Variants in ZAR1L observed in about 807,000 individuals in gnomAD.
ZAR1L encodes the protein protein ZAR1-like.
In ZAR1L, 16 loss-of-function variants were observed where a neutral mutation model predicts 30.0. That is an observed-to-expected ratio of 0.53 (90% CI 0.36 to 0.81). The LOEUF (loss-of-function observed/expected upper bound fraction) is 0.81, where lower values mean the gene tolerates loss of function less well. Ranked by LOEUF, ZAR1L falls within the 30% of genes least tolerant of loss-of-function variation. The pLI is 0.00. For synonymous variants in ZAR1L, 197 were observed against 166.8 expected, an observed-to-expected ratio of 1.18 and a Z score of -1.40; for missense variants, 392 against 417.2, an observed-to-expected ratio of 0.94 and a Z score of 0.53.
chr13:32,306,441 T>C (rs548835026), intron 5 of ZAR1L, among the ~76,000 whole-genome samples: 2 of 152,190 alleles, frequency 1.3e-5, no homozygotes, highest in Non-Finnish European at 2.9e-5. Context: ...AGGCACATCA[T>C]TGTAAAACTG....
At chr13:32,314,002 T>C (rs2072232109) in intron 2 of ZAR1L, among the ~76,000 whole-genome samples, 1 of 152,196 alleles carries the variant, frequency 6.6e-6, no homozygotes, top group South Asian at 2.1e-4. Flanking sequence ...TGAAGTCAAA[T>C]GGACTAGAAT....
rs1056761182 is a variant in ZAR1L, at chr13:32,308,683, C to A, written c.822+3G>T. The A allele has an allele frequency of 1.3e-6, 2 of 1,548,830 alleles. No individual in the cohort carries two copies. The highest frequency in any genetic ancestry group is 1.7e-6 in the Non-Finnish European group (2 of 1,144,734). ...ACACAATGGAAGTGTTCCATATGCT[C>A]ACCTGACATTGGATTGCTTCTACTC... On this transcript the variant is annotated splice_donor_region_variant and intron_variant, in intron 5 of 5. Coordinates refer to ENST00000533490, the MANE Select transcript of ZAR1L (RefSeq NM_001136571.2).
At chr13:32,309,867 T>C (rs1304480192) in intron 4 of ZAR1L, among the ~76,000 whole-genome samples, 1 of 152,256 alleles carries the variant, frequency 6.6e-6, no homozygotes, top group Non-Finnish European at 1.5e-5. Context: ...CTCTAGTAAA[T>C]GGCTAGTGTG....
Position 32,311,621 on chromosome 13 carries a change from G to A in ZAR1L, c.305C>T (p.Ala102Val). 6.4e-7 allele frequency: 1 copy of A among 1,550,900 alleles called. No homozygotes were observed. Among genetic ancestry groups the A allele is most frequent in the South Asian group, 1.2e-5 (1 of 84,046 alleles). The change falls in exon 3 of 6, where the codon GCT (alanine) becomes GTT (valine). Residue 102 changes from alanine to valine, a missense_variant. Transcript: ENST00000533490. Reference sequence around the variant, plus strand: ...GCGAGGCCCCAGAGAGCACTGCACAGCCTTGTCCACCCGCGGGCTCACCTG... The same window carrying A: ...GCGAGGCCCCAGAGAGCACTGCACAACCTTGTCCACCCGCGGGCTCACCTG... ...GVQVSPRVDK[A>V]VQCSLGPRTL...
chr13:32,304,583 G>A (rs1216527023), intron 5 of ZAR1L, among the ~76,000 whole-genome samples: 1 of 152,182 alleles, frequency 6.6e-6, no homozygotes, highest in Non-Finnish European at 1.5e-5. Flanking sequence ...TGGGAGAGAA[G>A]GGTATTCTGG....
chr13:32,308,235 T>C (rs2138686868), intron 5 of ZAR1L, among the ~76,000 whole-genome samples: 1 of 152,350 alleles, frequency 6.6e-6, no homozygotes, highest in Non-Finnish European at 1.5e-5. Flanking sequence ...GGAGACACCA[T>C]AGAATCCAGT....
At position 32,305,461 on chromosome 13, in the gene ZAR1L, C is replaced by T. The variant is rs545268988; in HGVS notation, c.823-1439G>A. Among the ~76,000 whole-genome samples the T allele has an allele frequency of 1.3e-3, 197 of 151,520 alleles. 1 individual carries two copies. The highest frequency in any genetic ancestry group is 2.5e-3 in the Non-Finnish European group (172 of 67,806). On this transcript the variant is annotated intron_variant, in intron 5 of 5. Coordinates refer to ENST00000533490, the MANE Select transcript of ZAR1L (RefSeq NM_001136571.2). The stretch of plus-strand genomic sequence containing the variant: ...CAGGGTGGTATCGATCTCCTGACCT[C>T]GTGATCCACCCGCCTCGGCCTCCCA...
Position 32,303,984 on chromosome 13 carries a change from C to T in ZAR1L, c.861G>A (p.Lys287=). The change falls in exon 6 of 6, where the codon AAG becomes AAA. Residue 287 remains lysine, a synonymous_variant. Coordinates refer to ENST00000533490, the MANE Select transcript of ZAR1L (RefSeq NM_001136571.2). ...SKSHCSCPQK[K]RHIDLRRPHR... is the part of the protein sequence containing the mutation. ...GAGGCCTCCTTAGATCAATGTGTCT[C>T]TTCTTTTGAGGACAGGAACAATGAG... The T allele has an allele frequency of 6.4e-7, 1 of 1,552,138 alleles. No individual in the cohort carries two copies. Among genetic ancestry groups the T allele is most frequent in the Non-Finnish European group, 8.7e-7 (1 of 1,147,090 alleles).
chr13:32,309,013 G>A (rs1593874794), intron 4 of ZAR1L, among the ~76,000 whole-genome samples: 1 of 142,792 alleles, frequency 7.0e-6, no homozygotes, highest in South Asian at 2.2e-4. Context: ...TTTTTGAGAT[G>A]GAGTTTTGCT....
chr13:32,311,662 G>A lies in ZAR1L; in HGVS notation c.264C>T (p.Thr88=). 2 of 1,551,512 alleles carry A rather than the reference G, an allele frequency of 1.3e-6. No homozygotes were observed. Among genetic ancestry groups the A allele is most frequent in the Non-Finnish European group, 1.7e-6 (2 of 1,147,002 alleles). The stretch of plus-strand genomic sequence containing the variant: ...GGCTCACCTGCACGCCCACCTCCTT[G>A]GTGTTGGGCTTGCACAGCCGCGGGC... ...SLSPRLCKPN[T]KEVGVQVSPR... is the part of the protein sequence containing the mutation. The change falls in exon 3 of 6, where the codon ACC becomes ACT. Residue 88 remains threonine, a synonymous_variant. Transcript: ENST00000533490.
intron 5 of ZAR1L, among the ~76,000 whole-genome samples, chr13:32,304,389 G>A (rs990819498): frequency 4.6e-5 from 7 of 152,136 alleles, no homozygotes; most frequent in African/African-American, 7.2e-5. Flanking sequence ...GTTTTATAGC[G>A]TTTCTTCACT....
Position 32,311,331 on chromosome 13 carries a change from T to C in ZAR1L, c.595A>G (p.Lys199Glu). 6.4e-7 allele frequency: 1 copy of C among 1,550,898 alleles called. No homozygotes were observed. Among genetic ancestry groups the C allele is most frequent in the Non-Finnish European group, 8.7e-7 (1 of 1,146,950 alleles). Residue 199 changes from lysine to glutamate, a missense_variant, in exon 3 of 6, where the codon AAG becomes GAG. Coordinates refer to ENST00000533490, the MANE Select transcript of ZAR1L (RefSeq NM_001136571.2). ...EKDAPCPQET[K>E]SKQVPGDAAS... is the part of the protein sequence containing the mutation. ...GCGTCTCCAGGCACCTGCTTGCTCT[T>C]CGTCTCCTGAGGGCACGGGGCGTCT... is the stretch of plus-strand genomic sequence containing the variant.
Position 32,310,627 on chromosome 13 carries a change from C to G in ZAR1L, c.747+12G>C, listed in dbSNP as rs1566211116. On this transcript the variant is annotated intron_variant, in intron 4 of 5. Transcript: ENST00000533490. ...CCCCATCCTCCTCTCACCTCCTACT[C>G]TTTTTATTTACCTTGTTCGTTCCAG... 1.9e-6 allele frequency: 3 copies of G among 1,539,122 alleles called. No homozygotes were observed. The South Asian group carries it at 3.6e-5, about 18-fold the overall frequency.
intron 5 of ZAR1L, among the ~76,000 whole-genome samples, chr13:32,306,432 G>A (rs189428747): frequency 2.2e-4 from 33 of 152,300 alleles, no homozygotes; most frequent in African/African-American, 7.9e-4. Flanking sequence ...ACTACAACTA[G>A]GCACATCATT....
At position 32,311,647 on chromosome 13, in the gene ZAR1L, C is replaced by G; in HGVS notation, c.279G>C (p.Val93=). ...CCTTGTCCACCCGCGGGCTCACCTG[C>G]ACGCCCACCTCCTTGGTGTTGGGCT... ...LCKPNTKEVG[V]QVSPRVDKAV... Residue 93 remains valine, a synonymous_variant, in exon 3 of 6, where the codon GTG becomes GTC. Coordinates refer to ENST00000533490, the MANE Select transcript of ZAR1L (RefSeq NM_001136571.2). 1.3e-6 allele frequency: 2 copies of G among 1,551,302 alleles called. No individual in the cohort carries two copies. Among genetic ancestry groups the G allele is most frequent in the Non-Finnish European group, 1.7e-6 (2 of 1,146,978 alleles).
intron 4 of ZAR1L, among the ~76,000 whole-genome samples, chr13:32,310,286 C>A (rs2072203005): frequency 6.6e-6 from 1 of 152,214 alleles, no homozygotes; most frequent in Non-Finnish European, 1.5e-5. Flanking sequence ...CACTTATTGC[C>A]CCACCTTGTG....
rs1218116747 is a variant in ZAR1L, at chr13:32,311,461, C to T, written c.465G>A (p.Lys155=). 1 of 1,546,932 alleles carries T rather than the reference C, an allele frequency of 6.5e-7. No homozygotes were observed. The highest frequency in any genetic ancestry group is 2.4e-5 in the East Asian group (1 of 40,922). The change falls in exon 3 of 6, where the codon AAG becomes AAA. Residue 155 remains lysine, a synonymous_variant. Transcript: ENST00000533490. ...TGGCCTCCGCAGGGCCCGGGAGCGC[C>T]TTGCTCTCCGCTTCGTCCCCATCTC... ...LRRDGDEAES[K]ALPGPAEASQ... is the part of the protein sequence containing the mutation.
At position 32,303,991 on chromosome 13, in the gene ZAR1L, T is replaced by A; in HGVS notation, c.854A>T (p.Gln285Leu). The change falls in exon 6 of 6, where the codon CAA becomes CTA. Residue 285 changes from glutamine to leucine, a missense_variant. Transcript: ENST00000533490. ...CCTTAGATCAATGTGTCTCTTCTTT[T>A]GAGGACAGGAACAATGAGACTTTGA... ...TCSKSHCSCP[Q>L]KKRHIDLRRP... 1 of 1,552,144 alleles carries A rather than the reference T, an allele frequency of 6.4e-7. No homozygotes were observed. The highest frequency in any genetic ancestry group is 8.7e-7 in the Non-Finnish European group (1 of 1,147,080).
At chr13:32,308,647 A>T (rs1410145933) in intron 5 of ZAR1L, 39 bp downstream of exon 5, 1 of 1,463,190 alleles carries the variant, frequency 6.8e-7, no homozygotes, top group Admixed American at 2.0e-5. Context: ...CATTTTAGTA[A>T]TGAAACATAG....
Sources: allele counts gnomAD v4.1 joint callset (sites outside exome capture counted in the v4.1 genomes callset), GRCh38; gene constraint gnomAD v4.1.1; transcripts MANE v1.5; gene names NCBI Gene and HGNC (gene_info 2026-07-23, HGNC 2026-07-21).